Variants in GRIK3 observed in about 807,000 individuals in gnomAD.
GRIK3 encodes glutamate ionotropic receptor kainate type subunit 3.
In GRIK3, 29 loss-of-function variants were observed where a neutral mutation model predicts 102.5. The ratio of observed to expected loss-of-function variants is 0.28; its 90% CI spans 0.21 to 0.39. The LOEUF is 0.39. Among genes scored for constraint, GRIK3 ranks in the 10% least tolerant of loss-of-function variants. GRIK3 has a pLI of 1.00. For synonymous variants in GRIK3, 511 were observed against 504.9 expected (o/e 1.01, Z -0.16); for missense variants, 908 against 1,252.4 (o/e 0.73, Z 4.15).
At chr1:37,020,411 A>G (rs1051888760) in intron 1 of GRIK3, among the ~76,000 whole-genome samples, 1 of 152,238 alleles carries the variant, frequency 6.6e-6, no homozygotes, top group African/African-American at 2.4e-5. Flanking sequence ...ATAATAACAC[A>G]CAAAATACTT....
chr1:36,962,815 C>T (rs552864343), intron 1 of GRIK3, among the ~76,000 whole-genome samples: 9 of 138,900 alleles, frequency 6.5e-5, no homozygotes, highest in African/African-American at 1.4e-4. Context: ...ACCCGGGAGG[C>T]GGAGGTTGCA....
chr1:36,968,703 G>T (rs771839646), intron 1 of GRIK3, among the ~76,000 whole-genome samples: 2 of 152,170 alleles, frequency 1.3e-5, no homozygotes, highest in Admixed American at 1.3e-4. Context: ...ACAGCTCCAC[G>T]TGGGGCAAGG....
chr1:36,986,510 T>C (rs561873967), intron 1 of GRIK3, among the ~76,000 whole-genome samples: 3 of 143,410 alleles, frequency 2.1e-5, no homozygotes, highest in South Asian at 4.4e-4. Context: ...ATCCATCCAT[T>C]AATTAAGGTC....
At chr1:36,929,038 G>C (rs1641560218) in intron 1 of GRIK3, among the ~76,000 whole-genome samples, 1 of 152,146 alleles carries the variant, frequency 6.6e-6, no homozygotes, top group African/African-American at 2.4e-5. Context: ...TCTTTCCTAT[G>C]GGATAGGTAC....
intron 10 of GRIK3, among the ~76,000 whole-genome samples, chr1:36,841,048 C>G (rs759706671): frequency 6.6e-6 from 1 of 152,194 alleles, no homozygotes; most frequent in Non-Finnish European, 1.5e-5. Context: ...AACCGGGACT[C>G]GAGCCCAGGG....
chr1:36,907,097 G>C (rs1641291740), intron 1 of GRIK3, among the ~76,000 whole-genome samples: 1 of 152,174 alleles, frequency 6.6e-6, no homozygotes, highest in Admixed American at 6.5e-5. Flanking sequence ...GGCTGGATTT[G>C]GCTATTGGGC....
chr1:36,830,888 A>C (rs1337360962), intron 10 of GRIK3, among the ~76,000 whole-genome samples: 1 of 151,664 alleles, frequency 6.6e-6, no homozygotes, highest in Non-Finnish European at 1.5e-5. Context: ...TGCTGGAGGC[A>C]GAGACCGGAA....
At position 36,806,685 on chromosome 1, in the gene GRIK3, T is replaced by C. The variant is rs1048207932; in HGVS notation, c.2092-359A>G. Among the ~76,000 whole-genome samples, 6 of 152,214 alleles carry C rather than the reference T, an allele frequency of 3.9e-5. No individual in the cohort carries two copies. The highest frequency in any genetic ancestry group is 7.2e-5 in the African/African-American group (3 of 41,450). On this transcript the variant is annotated intron_variant, in intron 13 of 15. Coordinates refer to ENST00000373091, the MANE Select transcript of GRIK3 (RefSeq NM_000831.4). The surrounding 1 kb of genome is among the most constrained non-coding windows in gnomAD (Gnocchi z 4.0). Reference sequence around the variant, plus strand: ...AAGTGCTCTACCTGCATTAACTCGTTGATTCTTCACAGCGCTCACAGGAGG... The same window carrying C: ...AAGTGCTCTACCTGCATTAACTCGTCGATTCTTCACAGCGCTCACAGGAGG...
intron 5 of GRIK3, 60 bp from the exon 6 acceptor site, chr1:36,860,077 G>T: frequency 7.4e-7 from 1 of 1,349,090 alleles, no homozygotes; most frequent in South Asian, 1.4e-5. Flanking sequence ...CTCCAGCCCC[G>T]CCTCCTACCC....
intron 11 of GRIK3, among the ~76,000 whole-genome samples, chr1:36,821,971 A>G (rs1160977600): frequency 6.6e-6 from 1 of 152,206 alleles, no homozygotes; most frequent in African/African-American, 2.4e-5. Flanking sequence ...CTGTCCGAAA[A>G]CTTGGTTTTT....
chr1:37,005,119 G>T (rs1424525011), intron 1 of GRIK3, among the ~76,000 whole-genome samples: 1 of 152,146 alleles, frequency 6.6e-6, no homozygotes, highest in African/African-American at 2.4e-5. Flanking sequence ...CTACTCCTGC[G>T]ACTCCCACTC....
At chr1:36,836,979 C>T (rs1001743350) in intron 10 of GRIK3, among the ~76,000 whole-genome samples, 1 of 151,970 alleles carries the variant, frequency 6.6e-6, no homozygotes, top group Admixed American at 6.6e-5. Flanking sequence ...AGGCCACTGA[C>T]CCTCCCCCCC....
intron 1 of GRIK3, among the ~76,000 whole-genome samples, chr1:36,997,559 T>C (rs1273653783): frequency 6.6e-6 from 1 of 152,146 alleles, no homozygotes; most frequent in African/African-American, 2.4e-5. Context: ...GTGGGTCAGG[T>C]TGCAACCACA....
rs886477907 is a variant in GRIK3, at chr1:36,850,885, G to A, written c.1213-461C>T. On this transcript the variant is annotated intron_variant, in intron 8 of 15. Coordinates refer to ENST00000373091, the MANE Select transcript of GRIK3 (RefSeq NM_000831.4). This position sits in a 1 kb window ranked among gnomAD's most constrained non-coding sequence, Gnocchi z 4.0. ...GGACCTCACTGGGAAATGCTGCTGG[G>A]TTTAAAGGCAGTTTGCTTTGTGGTT... Among the ~76,000 whole-genome samples the A allele has an allele frequency of 1.3e-5, 2 of 152,230 alleles. No homozygotes were observed. The highest frequency in any genetic ancestry group is 4.8e-5 in the African/African-American group (2 of 41,452).
At chr1:36,815,694 C>T (rs932768154) in intron 13 of GRIK3, among the ~76,000 whole-genome samples, 7 of 152,176 alleles carry the variant, frequency 4.6e-5, no homozygotes, top group East Asian at 1.9e-4. Context: ...TGCACATTCT[C>T]GGCCCCATCT....
intron 11 of GRIK3, among the ~76,000 whole-genome samples, chr1:36,823,664 G>GA (rs1397325814): frequency 6.6e-6 from 1 of 152,030 alleles, no homozygotes; most frequent in Admixed American, 6.5e-5. Context: ...GCTCTCCGGG[G>GA]TGCCTTAGTC....
chr1:36,850,272 G>T lies in GRIK3; in HGVS notation c.1326+39C>A. The T allele has an allele frequency of 7.4e-7, 1 of 1,347,614 alleles. No homozygotes were observed. The highest frequency in any genetic ancestry group is 1.1e-6 in the Non-Finnish European group (1 of 936,556). 83.5% of individuals were successfully genotyped at this position (1,347,614 alleles called of 1,614,324 possible). ...AGCCCGAACGGCCACCCCACCCCCA[G>T]GTCGGACAGTCCTTCCTGCAGGGGC... is the stretch of plus-strand genomic sequence containing the variant. On this transcript the variant is annotated intron_variant, in intron 9 of 15. Transcript: ENST00000373091. The surrounding 1 kb of genome is among the most constrained non-coding windows in gnomAD (Gnocchi z 4.0).
chr1:36,846,133 C>G (rs915127754), intron 9 of GRIK3, among the ~76,000 whole-genome samples: 6 of 152,088 alleles, frequency 3.9e-5, no homozygotes, highest in Non-Finnish European at 8.8e-5. Flanking sequence ...GAGGTTTGGG[C>G]AGATGAATTT....
chr1:36,967,443 G>A (rs576705882), intron 1 of GRIK3, among the ~76,000 whole-genome samples: 1 of 152,354 alleles, frequency 6.6e-6, no homozygotes, highest in South Asian at 2.1e-4. Context: ...ATGGCCCTGA[G>A]GGAGCATGGG....
Sources: gnomAD v4.1 joint callset for allele counts (sites outside exome capture counted in the v4.1 genomes callset) on GRCh38, gnomAD v4.1.1 for gene constraint, Gnocchi (gnomAD v3.1) non-coding constraint, MANE v1.5 for transcripts, NCBI Gene and HGNC (gene_info 2026-07-23, HGNC 2026-07-21) for gene names.